NSD3: variants seen among roughly 807,000 people sequenced by gnomAD.
The protein encoded by NSD3 is nuclear receptor binding SET domain protein 3.
NSD3 carries 24 observed loss-of-function variants against 160.8 expected under a neutral mutation model. The observed-to-expected ratio is 0.15, with a 90% CI of 0.11 to 0.21. NSD3 has a LOEUF of 0.21. Ranked by LOEUF, NSD3 falls within the 10% of genes least tolerant of loss-of-function variation. The pLI, the probability that NSD3 is intolerant of heterozygous loss-of-function variation, is 1.00. For missense variants in NSD3, 1,157 were observed against 1,735.9 expected (o/e 0.67, Z 5.93); for synonymous variants, 520 against 600.0 (o/e 0.87, Z 1.95).
rs377576386 is a variant in NSD3 at position 38,333,456 on chromosome 8, C to G, written c.911-1871G>C. Among the ~76,000 whole-genome samples the G allele has an allele frequency of 1.2e-4, 18 of 152,292 alleles. No homozygotes were observed. The South Asian group carries it at 3.7e-3, about 32-fold the overall frequency. On this transcript the variant is annotated intron_variant, in intron 4 of 23. Coordinates refer to ENST00000317025, the MANE Select transcript of NSD3 (RefSeq NM_023034.2). ...TTAATGAGTCCTAAATAATAAAATACAACTTAAAATAGAATTGTGATCCAA... is the reference window on the plus strand; with the variant it reads ...TTAATGAGTCCTAAATAATAAAATAGAACTTAAAATAGAATTGTGATCCAA...
At chr8:38,364,596 T>C (rs1483754659) in intron 1 of NSD3, among the ~76,000 whole-genome samples, 1 of 152,162 alleles carries the variant, frequency 6.6e-6, no homozygotes. Context: ...ATGCATGACA[T>C]AATAAAATGC....
chr8:38,297,375 G>A (rs1259954108), intron 15 of NSD3, among the ~76,000 whole-genome samples: 2 of 152,116 alleles, frequency 1.3e-5, no homozygotes, highest in Non-Finnish European at 2.9e-5. Flanking sequence ...AACCACTGAA[G>A]ATGAAATATA....
At chr8:38,372,815 A>T (rs1016961578) in intron 1 of NSD3, among the ~76,000 whole-genome samples, 15 of 132,030 alleles carry the variant, frequency 1.1e-4, no homozygotes, top group African/African-American at 3.9e-4. Flanking sequence ...TACTATTATT[A>T]AAAAAAAAAA....
intron 1 of NSD3, among the ~76,000 whole-genome samples, chr8:38,363,317 CAGAG>C (rs1385139233): frequency 6.6e-6 from 1 of 152,142 alleles, no homozygotes; most frequent in Non-Finnish European, 1.5e-5. Flanking sequence ...GGATCAGAGT[CAGAG>C]AGAGATTTGA....
intron 19 of NSD3, among the ~76,000 whole-genome samples, chr8:38,282,596 A>C (rs1294312668): frequency 1.3e-5 from 2 of 152,198 alleles, no homozygotes; most frequent in African/African-American, 4.8e-5. Flanking sequence ...GCCGAAACCC[A>C]GGAGGTAGAG....
intron 1 of NSD3, among the ~76,000 whole-genome samples, chr8:38,348,795 G>A (rs1424539504): frequency 2.0e-5 from 3 of 151,974 alleles, no homozygotes; most frequent in African/African-American, 7.2e-5. Context: ...CCCAGTAGCT[G>A]GGACTCAGGC....
chr8:38,357,154 ATTGATATCATT>A (rs1171300775), intron 1 of NSD3, among the ~76,000 whole-genome samples: 2 of 148,266 alleles, frequency 1.3e-5, no homozygotes, highest in Non-Finnish European at 3.0e-5. Context: ...AAATCCTTAC[ATTGATATCATT>A]ATTTAAGCAT....
intron 22 of NSD3, among the ~76,000 whole-genome samples, chr8:38,277,641 A>G (rs1808632138): frequency 6.6e-6 from 1 of 152,164 alleles, no homozygotes; most frequent in African/African-American, 2.4e-5. Context: ...ACAACCTGTT[A>G]ATTTTTTTCA....
At chr8:38,285,115 A>AT (rs751009652) in intron 19 of NSD3, among the ~76,000 whole-genome samples, 47 of 152,314 alleles carry the variant, frequency 3.1e-4, no homozygotes, top group Non-Finnish European at 6.3e-4. Context: ...CTGTCAGTCA[A>AT]TATTTAATAC....
At chr8:38,285,839 T>C (rs10100894) in intron 19 of NSD3, among the ~76,000 whole-genome samples, 33,865 of 152,198 alleles carry the variant, frequency 0.22, 4,002 homozygotes, top group East Asian at 0.31. Context: ...GTCAGAAATC[T>C]AACCACTTCC....
chr8:38,287,571 T>C (rs1563342953), intron 19 of NSD3, among the ~76,000 whole-genome samples: 1 of 152,226 alleles, frequency 6.6e-6, no homozygotes, highest in African/African-American at 2.4e-5. Context: ...TTCACTCTGC[T>C]ATCTTTTTTG....
At chr8:38,296,017 G>A in intron 15 of NSD3, 65 bp from the exon 16 acceptor site, 1 of 1,462,654 alleles carries the variant, frequency 6.8e-7, no homozygotes, top group East Asian at 2.5e-5. Context: ...AGAAAAAGGA[G>A]AAAGTTATCT....
chr8:38,326,606 G>T, intron 7 of NSD3, 124 bp downstream of exon 7: 1 of 1,164,378 alleles, frequency 8.6e-7, no homozygotes, highest in Non-Finnish European at 1.1e-6. Flanking sequence ...TTTATATTTT[G>T]ATTTTTAAAT....
intron 3 of NSD3, among the ~76,000 whole-genome samples, chr8:38,337,824 CTATG>C (rs764106398): frequency 1.3e-3 from 197 of 152,142 alleles, no homozygotes; most frequent in Non-Finnish European, 2.6e-3. Flanking sequence ...AAAAAAGAAA[CTATG>C]TATAAAGTAC....
At chr8:38,281,019 G>C (rs1340016817) in intron 20 of NSD3, among the ~76,000 whole-genome samples, 3 of 152,116 alleles carry the variant, frequency 2.0e-5, no homozygotes, top group African/African-American at 7.2e-5. Context: ...GCCTCCCAAA[G>C]TATTGGGATT....
chr8:38,378,511 G>A (rs1220113423), intron 1 of NSD3, among the ~76,000 whole-genome samples: 4 of 152,136 alleles, frequency 2.6e-5, no homozygotes, highest in South Asian at 2.1e-4. Flanking sequence ...GCGTGGTGGC[G>A]GGCGCCTGTA....
At position 38,300,768 on chromosome 8, in the gene NSD3, A is replaced by G. The variant is rs1037190826; in HGVS notation, c.2612-1178T>C. Among the ~76,000 whole-genome samples the G allele has an allele frequency of 7.9e-5, 12 of 152,306 alleles. No homozygotes were observed. In the East Asian group the frequency reaches 2.1e-3, roughly 27 times the overall value. ...CTCTATCCTCTATCTTGGTTACTGGATCAGTGTATAATGATGTAGGATTTA... is the reference window on the plus strand; with the variant it reads ...CTCTATCCTCTATCTTGGTTACTGGGTCAGTGTATAATGATGTAGGATTTA... On this transcript the variant is annotated intron_variant, in intron 14 of 23. Transcript: ENST00000317025.
At chr8:38,306,236 A>C (rs1194653552) in intron 12 of NSD3, among the ~76,000 whole-genome samples, 1 of 152,162 alleles carries the variant, frequency 6.6e-6, no homozygotes, top group Non-Finnish European at 1.5e-5. Context: ...CCAATCCTAC[A>C]AACATTAAAA....
At chr8:38,377,489 C>G (rs1011464370) in intron 1 of NSD3, among the ~76,000 whole-genome samples, 1 of 151,988 alleles carries the variant, frequency 6.6e-6, no homozygotes, top group Admixed American at 6.6e-5. Flanking sequence ...GCTGCGATTA[C>G]AGGCGCCGCC....
Sources: allele counts gnomAD v4.1 joint callset (sites outside exome capture counted in the v4.1 genomes callset), GRCh38; gene constraint gnomAD v4.1.1; transcripts MANE v1.5; gene names NCBI Gene and HGNC (gene_info 2026-07-23, HGNC 2026-07-21).